Variants in MFSD6 observed in about 807,000 individuals in gnomAD.
MFSD6 encodes major facilitator superfamily domain containing 6, also known as major facilitator superfamily domain-containing protein 6.
Under a neutral mutation model 56.3 loss-of-function variants are expected in MFSD6, and 26 were observed. The observed-to-expected ratio is 0.46, with a 90% CI of 0.34 to 0.64. The LOEUF (loss-of-function observed/expected upper bound fraction) is 0.64, where lower values mean the gene tolerates loss of function less well. Among genes scored for constraint, MFSD6 ranks in the 30% least tolerant of loss-of-function variants. The pLI, the probability that MFSD6 is intolerant of heterozygous loss-of-function variation, is 0.01. For synonymous variants in MFSD6, 331 were observed against 366.9 expected (o/e 0.90, Z 1.12); for missense variants, 750 against 986.2 (o/e 0.76, Z 3.21).
At chr2:190,450,716 C>T (rs1047626488) in intron 3 of MFSD6, among the ~76,000 whole-genome samples, 5 of 152,038 alleles carry the variant, frequency 3.3e-5, no homozygotes, top group African/African-American at 1.2e-4. Context: ...TAGTCTTAAA[C>T]TCCTAAGCTC....
intron 3 of MFSD6, among the ~76,000 whole-genome samples, chr2:190,466,111 C>T (rs4853712): frequency 0.72 from 108,782 of 152,102 alleles, 39,587 homozygotes; most frequent in East Asian, 0.85. Context: ...CTTGTGCCTG[C>T]TTGTGTCCTA....
chr2:190,437,262 G>T lies in MFSD6; in HGVS notation c.1233G>T (p.Val411=), dbSNP rs1355453551. 3.1e-6 allele frequency: 5 copies of T among 1,614,116 alleles called. No individual in the cohort carries two copies. The Admixed American group carries it at 8.3e-5, about 27-fold the overall frequency. The stretch of plus-strand genomic sequence containing the variant: ...GGAAAGAGGTGGAGATCCCGCAGGT[G>T]GAAAGGAACAACTCTACAGAGTCCT... ...SKGKEVEIPQ[V]ERNNSTESSE... Residue 411 remains valine, a synonymous_variant, in exon 3 of 8, where the codon GTG becomes GTT. Coordinates refer to ENST00000392328, the MANE Select transcript of MFSD6 (RefSeq NM_017694.4). This position sits in a 1 kb window ranked among gnomAD's most constrained non-coding sequence, Gnocchi z 5.9.
intron 1 of MFSD6, among the ~76,000 whole-genome samples, chr2:190,409,504 C>T (rs1222223311): frequency 3.3e-5 from 5 of 152,166 alleles, no homozygotes; most frequent in Non-Finnish European, 5.9e-5. Flanking sequence ...CATGTCACAT[C>T]TTCCTGAGCC....
rs1410214451 is a variant in MFSD6, at chr2:190,433,989, G to C, written c.-53-1988G>C. On this transcript the variant is annotated intron_variant, in intron 2 of 7. Coordinates refer to ENST00000392328, the MANE Select transcript of MFSD6 (RefSeq NM_017694.4). This position sits in a 1 kb window ranked among gnomAD's most constrained non-coding sequence, Gnocchi z 4.5. The stretch of plus-strand genomic sequence containing the variant: ...GAGGATCACTTGAGCCCAGGAGTTG[G>C]AGAACGGCCTGGGCAACATGGCAAA... Among the ~76,000 whole-genome samples, 1 of 152,052 alleles carries C rather than the reference G, an allele frequency of 6.6e-6. No individual in the cohort carries two copies. The highest frequency in any genetic ancestry group is 1.5e-5 in the Non-Finnish European group (1 of 67,988).
Position 190,436,647 on chromosome 2 carries a change from C to G in MFSD6, c.618C>G (p.Leu206=). The G allele has an allele frequency of 6.2e-7, 1 of 1,614,166 alleles. No homozygotes were observed. The highest frequency in any genetic ancestry group is 8.5e-7 in the Non-Finnish European group (1 of 1,180,038). ...REKRNLLETR[L]NVSDTVTLPT... is the part of the protein sequence containing the mutation. Reference sequence around the variant, plus strand: ...AAAGAAACCTTTTGGAAACAAGGCTCAATGTCTCAGACACCGTTACTTTGC... The same window carrying G: ...AAAGAAACCTTTTGGAAACAAGGCTGAATGTCTCAGACACCGTTACTTTGC... Residue 206 remains leucine, a synonymous_variant, in exon 3 of 8, where the codon CTC becomes CTG. Transcript: ENST00000392328. This position sits in a 1 kb window ranked among gnomAD's most constrained non-coding sequence, Gnocchi z 5.3.
chr2:190,409,776 C>A (rs892410214), intron 1 of MFSD6, among the ~76,000 whole-genome samples: 14 of 152,184 alleles, frequency 9.2e-5, no homozygotes, highest in African/African-American at 3.4e-4. Flanking sequence ...GGATAGGATC[C>A]TCCTCTTTGG....
intron 3 of MFSD6, among the ~76,000 whole-genome samples, chr2:190,455,535 C>G (rs1686984684): frequency 6.6e-6 from 1 of 152,136 alleles, no homozygotes; most frequent in Non-Finnish European, 1.5e-5. Context: ...ACGACCCTGG[C>G]AACTTGGTGA....
At position 190,457,193 on chromosome 2, in the gene MFSD6, T is replaced by C. The variant is rs1687087161; in HGVS notation, c.1533-12565T>C. Among the ~76,000 whole-genome samples the C allele has an allele frequency of 6.6e-6, 1 of 152,164 alleles. No individual in the cohort carries two copies. The highest frequency in any genetic ancestry group is 1.5e-5 in the Non-Finnish European group (1 of 68,014). ...ATTGCTATTACCTACTGAAAGAGCA[T>C]GGTCTGGCAGGGGGATGGGGACCTT... On this transcript the variant is annotated intron_variant, in intron 3 of 7. Coordinates refer to ENST00000392328, the MANE Select transcript of MFSD6 (RefSeq NM_017694.4). The surrounding 1 kb of genome is among the most constrained non-coding windows in gnomAD (Gnocchi z 5.1).
chr2:190,424,839 A>T lies in MFSD6; in HGVS notation c.-54+9426A>T. 6.6e-6 allele frequency among the ~76,000 whole-genome samples: 1 copy of T among 152,198 alleles called. No individual in the cohort carries two copies. Among genetic ancestry groups the T allele is most frequent in the Admixed American group, 6.5e-5 (1 of 15,280 alleles). ...TACCACACGGTCTTAATGCACAGCT[A>T]TATGATCTTTTTCAAAACTGCTTTA... On this transcript the variant is annotated intron_variant, in intron 2 of 7. Coordinates refer to ENST00000392328, the MANE Select transcript of MFSD6 (RefSeq NM_017694.4). The surrounding 1 kb of genome is among the most constrained non-coding windows in gnomAD (Gnocchi z 5.9).
Position 190,489,909 on chromosome 2 carries a change from C to A in MFSD6, c.1891+43C>A. Reference sequence around the variant, plus strand: ...TTCTTAATATTCCTAACAGTTCAGGCCATGGGAAGTCAACAAATGCCCCGA... The same window carrying A: ...TTCTTAATATTCCTAACAGTTCAGGACATGGGAAGTCAACAAATGCCCCGA... On this transcript the variant is annotated intron_variant, in intron 6 of 7. Transcript: ENST00000392328. This position sits in a 1 kb window ranked among gnomAD's most constrained non-coding sequence, Gnocchi z 6.6. The A allele has an allele frequency of 6.6e-7, 1 of 1,523,486 alleles. No individual in the cohort carries two copies. The highest frequency in any genetic ancestry group is 8.9e-7 in the Non-Finnish European group (1 of 1,129,422). The allele number at this position is 1,523,486 out of a possible 1,614,324, so 94.4% of individuals were successfully genotyped here.
rs1195696763 is a variant in MFSD6, at chr2:190,461,767, G to A, written c.1533-7991G>A. 6.6e-6 allele frequency among the ~76,000 whole-genome samples: 1 copy of A among 152,082 alleles called. No homozygotes were observed. Among genetic ancestry groups the A allele is most frequent in the Non-Finnish European group, 1.5e-5 (1 of 68,020 alleles). ...ATACTATCATCACATTGGTGAATTA[G>A]TTTCAACATATGAATTTTGGAGGGT... On this transcript the variant is annotated intron_variant, in intron 3 of 7. Coordinates refer to ENST00000392328, the MANE Select transcript of MFSD6 (RefSeq NM_017694.4). This position sits in a 1 kb window ranked among gnomAD's most constrained non-coding sequence, Gnocchi z 5.5.
rs1275009257 is a variant in MFSD6, at chr2:190,485,561, GA to G, written c.1631-3092del. On this transcript the variant is annotated intron_variant, in intron 4 of 7. Transcript: ENST00000392328. This position sits in a 1 kb window ranked among gnomAD's most constrained non-coding sequence, Gnocchi z 5.1. ...TTAATGAAAAAAAATCTGCATATGT[GA>G]AAAGAAATGGACTTAGCATCATCTT... Among the ~76,000 whole-genome samples the G allele has an allele frequency of 1.3e-5, 2 of 152,016 alleles. No individual in the cohort carries two copies. The highest frequency in any genetic ancestry group is 2.9e-5 in the Non-Finnish European group (2 of 67,972).
Position 190,458,192 on chromosome 2 carries a change from G to A in MFSD6, c.1533-11566G>A, listed in dbSNP as rs1345459021. Among the ~76,000 whole-genome samples the A allele has an allele frequency of 1.3e-5, 2 of 152,172 alleles. No homozygotes were observed. Among genetic ancestry groups the A allele is most frequent in the East Asian group, 3.9e-4 (2 of 5,194 alleles). The stretch of plus-strand genomic sequence containing the variant: ...GGGCATTTTAATGGGCTGAATTGTG[G>A]CCCCTGAAGATTCATACGTTGAGGT... On this transcript the variant is annotated intron_variant, in intron 3 of 7. Transcript: ENST00000392328. This position sits in a 1 kb window ranked among gnomAD's most constrained non-coding sequence, Gnocchi z 5.3.
rs1334577031 is a variant in MFSD6 at position 190,416,010 on chromosome 2, C to A, written c.-54+597C>A. ...ACTTTTTCCTCCCGCTGGGCTTGTTCTAAGACAGGAAGCTTATTTGAAAGG... is the reference window on the plus strand; with the variant it reads ...ACTTTTTCCTCCCGCTGGGCTTGTTATAAGACAGGAAGCTTATTTGAAAGG... On this transcript the variant is annotated intron_variant, in intron 2 of 7. Transcript: ENST00000392328. This position sits in a 1 kb window ranked among gnomAD's most constrained non-coding sequence, Gnocchi z 4.1. 6.6e-6 allele frequency among the ~76,000 whole-genome samples: 1 copy of A among 152,082 alleles called. No individual in the cohort carries two copies. The highest frequency in any genetic ancestry group is 1.5e-5 in the Non-Finnish European group (1 of 68,008).
At chr2:190,474,524 T>G (rs1013049346) in intron 4 of MFSD6, among the ~76,000 whole-genome samples, 4 of 152,158 alleles carry the variant, frequency 2.6e-5, no homozygotes, top group African/African-American at 9.7e-5. Context: ...AGGAAGAAGT[T>G]GAATCTCTGA....
In MFSD6 at chr2:190,488,575, T is replaced by C; in HGVS notation, c.1631-82T>C. On this transcript the variant is annotated intron_variant, in intron 4 of 7. Coordinates refer to ENST00000392328, the MANE Select transcript of MFSD6 (RefSeq NM_017694.4). The surrounding 1 kb of genome is among the most constrained non-coding windows in gnomAD (Gnocchi z 6.4). Reference sequence around the variant, plus strand: ...ACAACAAATCTTAAAAATAGGTGCCTAGTTAAATAATTCACATTTCAAAAC... The same window carrying C: ...ACAACAAATCTTAAAAATAGGTGCCCAGTTAAATAATTCACATTTCAAAAC... 1 of 1,195,188 alleles carries C rather than the reference T, an allele frequency of 8.4e-7. No homozygotes were observed. Among genetic ancestry groups the C allele is most frequent in the East Asian group, 2.8e-5 (1 of 35,806 alleles). The allele number at this position is 1,195,188 out of a possible 1,614,324, so 74.0% of individuals were successfully genotyped here. A position where few individuals can be genotyped will look rare whatever the true frequency, so the allele number is the denominator to read the frequency against.
In MFSD6 at chr2:190,424,248, T is replaced by TC. The variant is rs1319753938; in HGVS notation, c.-54+8836dup. On this transcript the variant is annotated intron_variant, in intron 2 of 7. Transcript: ENST00000392328. This position sits in a 1 kb window ranked among gnomAD's most constrained non-coding sequence, Gnocchi z 5.9. Reference sequence around the variant, plus strand: ...GATTTTCTTCTTCTTTTTTTTTTTTTCTAAATGTTTTATAGTTTCAAATTG... The same window carrying TC: ...GATTTTCTTCTTCTTTTTTTTTTTTTCCTAAATGTTTTATAGTTTCAAATTG... Among the ~76,000 whole-genome samples, 1 of 147,522 alleles carries TC rather than the reference T, an allele frequency of 6.8e-6. No individual in the cohort carries two copies. The highest frequency in any genetic ancestry group is 1.5e-5 in the Non-Finnish European group (1 of 66,806).
chr2:190,455,011 A>G (rs1276084325), intron 3 of MFSD6, among the ~76,000 whole-genome samples: 1 of 136,560 alleles, frequency 7.3e-6, no homozygotes, highest in Non-Finnish European at 1.7e-5. Flanking sequence ...ATGTATATGT[A>G]TATGTATATG....
chr2:190,440,013 T>C (rs1686313772), intron 3 of MFSD6, among the ~76,000 whole-genome samples: 1 of 152,230 alleles, frequency 6.6e-6, no homozygotes, highest in South Asian at 2.1e-4. Context: ...AAATGATCTC[T>C]GAATTATGAG....
Sources: gnomAD v4.1 joint callset for allele counts (sites outside exome capture counted in the v4.1 genomes callset) on GRCh38, gnomAD v4.1.1 for gene constraint, Gnocchi (gnomAD v3.1) non-coding constraint, MANE v1.5 for transcripts, NCBI Gene and HGNC (gene_info 2026-07-23, HGNC 2026-07-21) for gene names.